MAEA: variants seen among roughly 807,000 people sequenced by gnomAD.
MAEA encodes macrophage erythroblast attacher, E3 ubiquitin ligase.
A neutral mutation model predicts 46.2 loss-of-function variants in MAEA; 22 were observed. That is an observed-to-expected ratio of 0.48 (90% CI 0.34 to 0.68). The LOEUF (loss-of-function observed/expected upper bound fraction) is 0.68. MAEA is among the 30% of genes least tolerant of loss of function. The pLI is 0.01. For synonymous variants in MAEA, 246 were observed against 222.6 expected (o/e 1.11, Z -0.94); for missense variants, 393 against 558.1 (o/e 0.70, Z 2.98).
chr4:1,334,108 GCTCACCCCCA>G (rs1373339168), intron 6 of MAEA, among the ~76,000 whole-genome samples: 1 of 18,080 alleles, frequency 5.5e-5, no homozygotes, highest in African/African-American at 2.5e-4. Flanking sequence ...TGCCTACCGT[GCTCACCCCCA>G]TGCCCACCCC....
At chr4:1,291,399 C>T (rs1236980683) in intron 1 of MAEA, among the ~76,000 whole-genome samples, 1 of 152,164 alleles carries the variant, frequency 6.6e-6, no homozygotes, top group South Asian at 2.1e-4. Flanking sequence ...AAGGTCTAGC[C>T]TCTTGCTAGA....
intron 1 of MAEA, among the ~76,000 whole-genome samples, chr4:1,300,726 G>A (rs1306886690): frequency 2.6e-5 from 4 of 152,268 alleles, no homozygotes; most frequent in South Asian, 2.1e-4. Flanking sequence ...CTAACTGGGC[G>A]TGCACACAAC....
At chr4:1,291,311 C>T (rs1290626162) in intron 1 of MAEA, among the ~76,000 whole-genome samples, 1 of 152,180 alleles carries the variant, frequency 6.6e-6, no homozygotes, top group African/African-American at 2.4e-5. Context: ...AATGGTTTCG[C>T]AGTGGGGTTT....
intron 2 of MAEA, among the ~76,000 whole-genome samples, chr4:1,314,568 CA>C (rs1467223716): frequency 1.3e-4 from 20 of 152,128 alleles, no homozygotes; most frequent in Non-Finnish European, 4.4e-5. Flanking sequence ...CAGAGCCCAC[CA>C]GTGGGTGGGG....
chr4:1,303,362 A>G (rs1735517115), intron 1 of MAEA, among the ~76,000 whole-genome samples: 1 of 143,926 alleles, frequency 6.9e-6, no homozygotes, highest in Non-Finnish European at 1.5e-5. Context: ...AGATCGCACT[A>G]CTGCACTCCA....
intron 3 of MAEA, among the ~76,000 whole-genome samples, chr4:1,315,978 C>T (rs1417688497): frequency 6.8e-6 from 1 of 146,630 alleles, no homozygotes; most frequent in African/African-American, 2.5e-5. Flanking sequence ...TTTGTGGAAA[C>T]GCACCTGGGA....
intron 3 of MAEA, among the ~76,000 whole-genome samples, chr4:1,320,033 AAAG>A (rs1269537482): frequency 1.3e-5 from 2 of 151,998 alleles, no homozygotes; most frequent in Admixed American, 6.5e-5. Flanking sequence ...GGGCTCCAGA[AAAG>A]AAATCATCAA....
intron 1 of MAEA, among the ~76,000 whole-genome samples, chr4:1,310,176 G>A (rs554040383): frequency 1.4e-4 from 19 of 134,620 alleles, no homozygotes; most frequent in African/African-American, 7.5e-4. Context: ...GACACACTCA[G>A]ATAGGGTCTC....
intron 4 of MAEA, 123 bp from the exon 5 acceptor site, chr4:1,327,504 C>G: frequency 1.3e-6 from 1 of 757,912 alleles, no homozygotes; most frequent in Admixed American, 1.9e-5. Context: ...TTCCCCGTGC[C>G]TGTGAGAGAG....
chr4:1,303,415 T>A (rs1356586648), intron 1 of MAEA, among the ~76,000 whole-genome samples: 35 of 48,508 alleles, frequency 7.2e-4, no homozygotes, highest in South Asian at 1.4e-3. Flanking sequence ...AAAAAAAGAA[T>A]GTCATGTCCT....
chr4:1,326,968 A>G (rs560465439), intron 4 of MAEA, among the ~76,000 whole-genome samples: 26 of 132,888 alleles, frequency 2.0e-4, no homozygotes, highest in Middle Eastern at 4.4e-3. Flanking sequence ...CCAGCCAGCA[A>G]CCCCACATGT....
Position 1,311,943 on chromosome 4 carries a change from G to T in MAEA, c.70-36G>T. The T allele has an allele frequency of 6.3e-7, 1 of 1,579,400 alleles. No individual in the cohort carries two copies. ...GTGGGGCTGGTGGGGCTCACACCAG[G>T]GGAGCAGATCCCTCACCATCCTCCT... On this transcript the variant is annotated intron_variant, in intron 1 of 8. Coordinates refer to ENST00000303400, the MANE Select transcript of MAEA (RefSeq NM_001017405.3). The surrounding 1 kb of genome is among the most constrained non-coding windows in gnomAD (Gnocchi z 4.4).
chr4:1,320,558 A>C lies in MAEA; in HGVS notation c.457-1823A>C, dbSNP rs180914353. Among the ~76,000 whole-genome samples the C allele has an allele frequency of 5.9e-4, 89 of 152,026 alleles. 3 individuals are homozygous for C. The highest frequency in any genetic ancestry group is 2.1e-3 in the African/African-American group (87 of 41,402). ...AAAGAAATCATCAAAGCAAACCTGC[A>C]AGAAAATGCTATGAAGGGGCTTCAG... On this transcript the variant is annotated intron_variant, in intron 3 of 8. Coordinates refer to ENST00000303400, the MANE Select transcript of MAEA (RefSeq NM_001017405.3).
In MAEA at chr4:1,339,256, C is replaced by G; in HGVS notation, c.*87C>G. ...TCCTCCTGTCCCACGCTCCAGCCTG[C>G]CGCGGCGTTTCTGTTTCTTGCGACC... On this transcript the variant is annotated 3_prime_UTR_variant, in exon 9 of 9. Transcript: ENST00000303400. 1 of 945,522 alleles carries G rather than the reference C, an allele frequency of 1.1e-6. No individual in the cohort carries two copies. The highest frequency in any genetic ancestry group is 1.7e-6 in the Non-Finnish European group (1 of 585,746). 58.6% of individuals were successfully genotyped at this position (945,522 alleles called of 1,614,324 possible).
At chr4:1,331,995 G>C (rs1711892482) in intron 5 of MAEA, 1 of 152,840 alleles carries the variant, frequency 6.5e-6, no homozygotes, top group Non-Finnish European at 1.5e-5. Flanking sequence ...CGGATCTGCA[G>C]GGAGTCCAGC....
intron 1 of MAEA, among the ~76,000 whole-genome samples, chr4:1,300,247 C>T (rs537793395): frequency 6.6e-6 from 1 of 152,310 alleles, no homozygotes; most frequent in African/African-American, 2.4e-5. Context: ...AAGATTGGCA[C>T]TAGCAGAGGA....
intron 1 of MAEA, among the ~76,000 whole-genome samples, chr4:1,305,757 ACG>A (rs879698600): frequency 2.0e-3 from 250 of 127,808 alleles, no homozygotes; most frequent in Non-Finnish European, 4.0e-3. Context: ...GCGTGCGTGC[ACG>A]TGCGCACGCG....
intron 5 of MAEA, chr4:1,330,310 T>TTCTCCCTCTCTCTCTCTCTC (rs1711524692): frequency 7.7e-6 from 1 of 130,244 alleles, no homozygotes; most frequent in Non-Finnish European, 1.5e-5. Context: ...TTCTGGGTGT[T>TTCTCCCTCTCTCTCTCTCTC]TCTCTCTCTC....
At position 1,328,447 on chromosome 4, in the gene MAEA, G is replaced by A. The variant is rs193158961; in HGVS notation, c.656+744G>A. On this transcript the variant is annotated intron_variant, in intron 5 of 8. Coordinates refer to ENST00000303400, the MANE Select transcript of MAEA (RefSeq NM_001017405.3). ...AGGGCTGCTCCTTGAGTGCTAGGTC[G>A]TCTCACTCACTTTCATGGAGGTTCC... Among the ~76,000 whole-genome samples the A allele has an allele frequency of 4.7e-3, 710 of 152,336 alleles. 11 individuals are homozygous for A. Among genetic ancestry groups the A allele is most frequent in the Non-Finnish European group, 4.1e-3 (281 of 68,026 alleles).
Sources: gnomAD v4.1 joint callset for allele counts (sites outside exome capture counted in the v4.1 genomes callset) on GRCh38, gnomAD v4.1.1 for gene constraint, Gnocchi (gnomAD v3.1) non-coding constraint, MANE v1.5 for transcripts, NCBI Gene and HGNC (gene_info 2026-07-23, HGNC 2026-07-21) for gene names.